Variants in PRKCA observed in about 807,000 individuals in gnomAD.
The protein encoded by PRKCA is protein kinase C alpha type.
In PRKCA, 27 loss-of-function variants were observed where a neutral mutation model predicts 87.0. The observed-to-expected ratio is 0.31, with a 90% CI of 0.23 to 0.43. The LOEUF is 0.43. Ranked by LOEUF, PRKCA falls within the 20% of genes least tolerant of loss-of-function variation. PRKCA has a pLI of 1.00. For synonymous variants in PRKCA, 329 were observed against 311.1 expected (o/e 1.06, Z -0.61); for missense variants, 518 against 852.3 (o/e 0.61, Z 4.88).
intron 3 of PRKCA, among the ~76,000 whole-genome samples, chr17:66,541,454 G>A (rs549643711): frequency 1.3e-5 from 2 of 152,328 alleles, no homozygotes; most frequent in African/African-American, 4.8e-5. Context: ...GCGGCAAAGA[G>A]CAGTTGACTG....
At chr17:66,640,172 G>A (rs1971252758) in intron 3 of PRKCA, among the ~76,000 whole-genome samples, 2 of 152,124 alleles carry the variant, frequency 1.3e-5, no homozygotes, top group African/African-American at 2.4e-5. Flanking sequence ...GACAGATGCT[G>A]TTAATTTCCC....
intron 2 of PRKCA, among the ~76,000 whole-genome samples, chr17:66,341,108 A>G (rs1907017417): frequency 6.6e-6 from 1 of 152,176 alleles, no homozygotes; most frequent in Non-Finnish European, 1.5e-5. Flanking sequence ...CTTAAAAACC[A>G]CATACCTCAG....
At chr17:66,498,159 G>A (rs1372492857) in intron 3 of PRKCA, among the ~76,000 whole-genome samples, 8 of 90,830 alleles carry the variant, frequency 8.8e-5, no homozygotes, top group Admixed American at 2.7e-4. Flanking sequence ...CCCCTGCCCC[G>A]GCCACTTTCC....
chr17:66,527,318 C>T (rs1048520799), intron 3 of PRKCA, among the ~76,000 whole-genome samples: 1 of 151,478 alleles, frequency 6.6e-6, no homozygotes, highest in African/African-American at 2.4e-5. Context: ...TATCCTGGTG[C>T]CTGGCTGTTG....
At chr17:66,580,024 A>G (rs547221603) in intron 3 of PRKCA, among the ~76,000 whole-genome samples, 1 of 152,266 alleles carries the variant, frequency 6.6e-6, no homozygotes, top group African/African-American at 2.4e-5. Flanking sequence ...ATGTCTCGGC[A>G]TCTCTCAGGG....
chr17:66,343,716 G>T (rs947634400), intron 2 of PRKCA, among the ~76,000 whole-genome samples: 2 of 152,104 alleles, frequency 1.3e-5, no homozygotes, highest in African/African-American at 4.8e-5. Context: ...ATAAAGGGGG[G>T]GTTGAAGGAC....
chr17:66,418,703 C>T (rs985116011), intron 2 of PRKCA, among the ~76,000 whole-genome samples: 7 of 151,716 alleles, frequency 4.6e-5, no homozygotes, highest in African/African-American at 7.3e-5. Context: ...TCCTAAAGTG[C>T]GGGATTATAG....
chr17:66,517,367 C>T (rs1967001585), intron 3 of PRKCA, among the ~76,000 whole-genome samples: 1 of 152,174 alleles, frequency 6.6e-6, no homozygotes, highest in African/African-American at 2.4e-5. Context: ...TTCTTCCCCT[C>T]CTCGCCCCCA....
chr17:66,731,811 G>A (rs1285590786), intron 8 of PRKCA, among the ~76,000 whole-genome samples: 4 of 109,972 alleles, frequency 3.6e-5, no homozygotes, highest in African/African-American at 1.4e-4. Context: ...TTGAGACAGA[G>A]TCTTGCTCTG....
chr17:66,626,116 A>G (rs925547066), intron 3 of PRKCA, among the ~76,000 whole-genome samples: 9 of 151,874 alleles, frequency 5.9e-5, no homozygotes, highest in Non-Finnish European at 1.2e-4. Flanking sequence ...GGCTGGGGCT[A>G]CCTTTAAGTT....
rs1374539986 is a variant in PRKCA, at chr17:66,651,931, A to G, written c.529+6420A>G. On this transcript the variant is annotated intron_variant, in intron 5 of 16. Transcript: ENST00000413366. ...CAGCAACCTCCCACCTAATGGTTTT[A>G]ACCTTGATTATTTTATTTTTTATTT... 5.3e-5 allele frequency among the ~76,000 whole-genome samples: 8 copies of G among 152,122 alleles called. No individual in the cohort carries two copies. The East Asian group carries it at 1.5e-3, about 29-fold the overall frequency.
intron 3 of PRKCA, among the ~76,000 whole-genome samples, chr17:66,537,810 G>T (rs1967837468): frequency 6.6e-6 from 1 of 152,084 alleles, no homozygotes; most frequent in Non-Finnish European, 1.5e-5. Context: ...TCTTTTACTG[G>T]TTTGTTTATT....
Position 66,589,844 on chromosome 17 carries a change from C to T in PRKCA, c.289-51511C>T, listed in dbSNP as rs114329875. Among the ~76,000 whole-genome samples the T allele has an allele frequency of 8.0e-3, 1,211 of 152,194 alleles. 20 individuals carry two copies. The highest frequency in any genetic ancestry group is 0.027 in the African/African-American group (1,132 of 41,536). On this transcript the variant is annotated intron_variant, in intron 3 of 16. Coordinates refer to ENST00000413366, the MANE Select transcript of PRKCA (RefSeq NM_002737.3). ...ATGGAAGACAATTTTTCCATGGACC[C>T]GGTTGTGGTGTGGTTTCAGGATGAA...
At chr17:66,387,148 C>T (rs1598631268) in intron 2 of PRKCA, among the ~76,000 whole-genome samples, 1 of 152,180 alleles carries the variant, frequency 6.6e-6, no homozygotes, top group African/African-American at 2.4e-5. Context: ...ACTTGTAGTA[C>T]AACAGGAAAA....
intron 8 of PRKCA, among the ~76,000 whole-genome samples, chr17:66,709,948 T>C (rs1388042859): frequency 6.6e-6 from 1 of 152,192 alleles, no homozygotes; most frequent in Non-Finnish European, 1.5e-5. Context: ...TATATAACAT[T>C]ACTGGGCACC....
chr17:66,535,760 T>C (rs1262733348), intron 3 of PRKCA, among the ~76,000 whole-genome samples: 1 of 152,172 alleles, frequency 6.6e-6, no homozygotes, highest in Non-Finnish European at 1.5e-5. Flanking sequence ...AATTATAGGA[T>C]ATCAGTGCAC....
At chr17:66,557,090 G>A (rs571036591) in intron 3 of PRKCA, among the ~76,000 whole-genome samples, 30 of 152,226 alleles carry the variant, frequency 2.0e-4, no homozygotes, top group African/African-American at 5.5e-4. Context: ...TTCCCCTTGC[G>A]CTGAGAGGGA....
chr17:66,695,547 A>G (rs1263676446), intron 8 of PRKCA, among the ~76,000 whole-genome samples: 2 of 152,190 alleles, frequency 1.3e-5, no homozygotes, highest in East Asian at 1.9e-4. Flanking sequence ...ATTTTGCTCA[A>G]TTGTCCAGGC....
At chr17:66,488,969 G>A (rs913181485) in intron 2 of PRKCA, among the ~76,000 whole-genome samples, 2 of 152,040 alleles carry the variant, frequency 1.3e-5, no homozygotes, top group Non-Finnish European at 2.9e-5. Context: ...AGCTGAAAGC[G>A]GTTGACTTGC....
Sources: allele counts gnomAD v4.1 joint callset (sites outside exome capture counted in the v4.1 genomes callset), GRCh38; gene constraint gnomAD v4.1.1; transcripts MANE v1.5; gene names NCBI Gene and HGNC (gene_info 2026-07-23, HGNC 2026-07-21).